Variants in PDZD2 observed in about 807,000 individuals in gnomAD.
The protein encoded by PDZD2 is PDZ domain containing 2, also known as PDZ domain-containing protein 2.
A neutral mutation model predicts 220.7 loss-of-function variants in PDZD2; 90 were observed. That is an observed-to-expected ratio of 0.41 (90% CI 0.34 to 0.49). The LOEUF (loss-of-function observed/expected upper bound fraction) is 0.49, where lower values mean the gene tolerates loss of function less well. PDZD2 is among the 20% of genes least tolerant of loss of function. The pLI is 0.28. For synonymous variants in PDZD2, 1,375 were observed against 1,450.5 expected (o/e 0.95, Z 1.18); for missense variants, 3,174 against 3,608.5 (o/e 0.88, Z 3.08).
chr5:32,108,866 C>CTGTT lies in PDZD2; in HGVS notation c.*733_*736dup, dbSNP rs1345566973. The CTGTT allele has an allele frequency of 3.3e-5, 5 of 152,730 alleles. No individual in the cohort carries two copies. The East Asian group carries it at 7.7e-4, about 24-fold the overall frequency. The allele number at this position is 152,730 out of a possible 1,614,324, so 9.5% of individuals were successfully genotyped here. ...TATCTCAAAAGTGTAAGCCATAAGG[C>CTGTT]TGTTTTACAGAATAGCACTTCTGAT... On this transcript the variant is annotated 3_prime_UTR_variant, in exon 25 of 25. Coordinates refer to ENST00000438447, the MANE Select transcript of PDZD2 (RefSeq NM_178140.4).
chr5:31,958,187 C>G (rs1747897144), intron 2 of PDZD2, among the ~76,000 whole-genome samples: 1 of 151,982 alleles, frequency 6.6e-6, no homozygotes, highest in Non-Finnish European at 1.5e-5. Context: ...ACGTATTAAT[C>G]TGAAGTAAAT....
At chr5:31,779,681 G>A (rs1398012125) in intron 1 of PDZD2, among the ~76,000 whole-genome samples, 2 of 151,962 alleles carry the variant, frequency 1.3e-5, no homozygotes, top group Non-Finnish European at 2.9e-5. Context: ...CCAAAAATTG[G>A]GAATCTCTTG....
chr5:31,754,033 T>C (rs1490030049), intron 1 of PDZD2, among the ~76,000 whole-genome samples: 2 of 152,252 alleles, frequency 1.3e-5, no homozygotes, highest in Admixed American at 1.3e-4. Context: ...AATGCTTCTC[T>C]AGTTTGCCTT....
intron 2 of PDZD2, among the ~76,000 whole-genome samples, chr5:31,820,061 C>T (rs1580820520): frequency 6.6e-6 from 1 of 152,320 alleles, no homozygotes. Flanking sequence ...AGGGATAGCT[C>T]CCAATGCGGT....
chr5:31,819,027 C>T (rs1428175386), intron 2 of PDZD2, among the ~76,000 whole-genome samples: 2 of 152,120 alleles, frequency 1.3e-5, no homozygotes, highest in Non-Finnish European at 2.9e-5. Context: ...GAAAAGTTTC[C>T]TCAGTTCAGA....
intron 2 of PDZD2, among the ~76,000 whole-genome samples, chr5:31,954,051 G>C (rs1163536797): frequency 6.6e-6 from 1 of 151,946 alleles, no homozygotes; most frequent in Non-Finnish European, 1.5e-5. Flanking sequence ...AGGAGTTCAA[G>C]GTTATAGTGT....
At chr5:32,032,468 T>TGAGCAA (rs1755201501) in intron 6 of PDZD2, among the ~76,000 whole-genome samples, 1 of 152,202 alleles carries the variant, frequency 6.6e-6, no homozygotes, top group Admixed American at 6.5e-5. Context: ...CCAGAGGTCC[T>TGAGCAA]CTTCTGGCAA....
intron 1 of PDZD2, among the ~76,000 whole-genome samples, chr5:31,798,655 A>C (rs1340899889): frequency 6.6e-6 from 1 of 152,178 alleles, no homozygotes; most frequent in Non-Finnish European, 1.5e-5. Context: ...CTGCTGATCC[A>C]GGAAACTTCC....
chr5:31,754,782 T>G (rs1407347337), intron 1 of PDZD2: 1 of 152,332 alleles, frequency 6.6e-6, no homozygotes, highest in Admixed American at 6.5e-5. Context: ...ATTTCCACAC[T>G]GGCTAGATAA....
intron 2 of PDZD2, among the ~76,000 whole-genome samples, chr5:31,949,139 G>A (rs1581142171): frequency 6.7e-6 from 1 of 149,532 alleles, no homozygotes; most frequent in South Asian, 2.1e-4. Flanking sequence ...TTCCTGGCTG[G>A]CTTCTTCTCA....
intron 18 of PDZD2, among the ~76,000 whole-genome samples, chr5:32,074,968 G>A (rs1026221966): frequency 2.6e-5 from 4 of 152,120 alleles, no homozygotes; most frequent in South Asian, 4.2e-4. Flanking sequence ...ACACCACCAC[G>A]CCTGGCTAAT....
chr5:31,827,089 C>T (rs907328797), intron 2 of PDZD2, among the ~76,000 whole-genome samples: 1 of 152,144 alleles, frequency 6.6e-6, no homozygotes, highest in East Asian at 1.9e-4. Flanking sequence ...GGCCAGGGAA[C>T]CTTGCTCTTT....
chr5:31,942,570 A>T (rs1009522024), intron 2 of PDZD2, among the ~76,000 whole-genome samples: 2 of 152,230 alleles, frequency 1.3e-5, no homozygotes, highest in African/African-American at 4.8e-5. Context: ...CCTGGGCTCA[A>T]GTAATCCTCC....
chr5:31,995,573 A>G lies in PDZD2; in HGVS notation c.979-3A>G, dbSNP rs1242228933. 3.1e-6 allele frequency: 5 copies of G among 1,613,938 alleles called. No homozygotes were observed. Among genetic ancestry groups the G allele is most frequent in the Admixed American group, 3.3e-5 (2 of 59,996 alleles). ...TCATGGTGTGCTCACTTTTTCTTCCAAGGAGGAAGTTGGCCGAATATGGAA... is the reference window on the plus strand; with the variant it reads ...TCATGGTGTGCTCACTTTTTCTTCCGAGGAGGAAGTTGGCCGAATATGGAA... On this transcript the variant is annotated splice_polypyrimidine_tract_variant and splice_region_variant and intron_variant, in intron 3 of 24. Transcript: ENST00000438447.
At chr5:32,106,805 T>TATC (rs1744806246) in intron 24 of PDZD2, among the ~76,000 whole-genome samples, 1 of 152,148 alleles carries the variant, frequency 6.6e-6, no homozygotes, top group African/African-American at 2.4e-5. Context: ...TCCAAAAATG[T>TATC]ATCTATCTCA....
chr5:31,962,238 C>T (rs972400579), intron 2 of PDZD2, among the ~76,000 whole-genome samples: 1 of 152,184 alleles, frequency 6.6e-6, no homozygotes, highest in African/African-American at 2.4e-5. Context: ...TGTATCTTAA[C>T]TTCTCTTTCC....
chr5:31,869,170 G>A (rs1192386680), intron 2 of PDZD2, among the ~76,000 whole-genome samples: 10 of 152,194 alleles, frequency 6.6e-5, no homozygotes, highest in Non-Finnish European at 7.3e-5. Flanking sequence ...TGCTTTGTCT[G>A]TATCTTCCTT....
chr5:31,864,865 TTGAGACGGA>T (rs1163064570), intron 2 of PDZD2, among the ~76,000 whole-genome samples: 1 of 120,012 alleles, frequency 8.3e-6, no homozygotes, highest in African/African-American at 3.1e-5. Flanking sequence ...TTTTTTTTTT[TTGAGACGGA>T]GTCTCGCTCT....
chr5:31,715,401 C>T (rs560108921), intron 1 of PDZD2, among the ~76,000 whole-genome samples: 2 of 152,272 alleles, frequency 1.3e-5, no homozygotes, highest in Admixed American at 6.5e-5. Flanking sequence ...TATGGGTCAT[C>T]CAGCATCCCC....
Sources: allele counts gnomAD v4.1 joint callset (sites outside exome capture counted in the v4.1 genomes callset), GRCh38; gene constraint gnomAD v4.1.1; transcripts MANE v1.5; gene names NCBI Gene and HGNC (gene_info 2026-07-23, HGNC 2026-07-21).